ALDH1A2: variants seen among roughly 807,000 people sequenced by gnomAD.
The protein encoded by ALDH1A2 is retinal dehydrogenase 2.
ALDH1A2 carries 27 observed loss-of-function variants against 60.3 expected under a neutral mutation model. That is an observed-to-expected ratio of 0.45 (90% CI 0.33 to 0.62). The LOEUF (loss-of-function observed/expected upper bound fraction) is 0.62. Ranked by LOEUF, ALDH1A2 falls within the 20% of genes least tolerant of loss-of-function variation. The pLI, the probability that ALDH1A2 is intolerant of heterozygous loss-of-function variation, is 0.02. For missense variants in ALDH1A2, 581 were observed against 643.8 expected, an observed-to-expected ratio of 0.90 and a Z score of 1.06; for synonymous variants, 289 against 232.4, an observed-to-expected ratio of 1.24 and a Z score of -2.21.
chr15:58,062,371 C>T (rs1273789202), intron 1 of ALDH1A2, among the ~76,000 whole-genome samples: 1 of 152,046 alleles, frequency 6.6e-6, no homozygotes, highest in African/African-American at 2.4e-5. Flanking sequence ...GAAAGAAGGT[C>T]GAAGTGGAAT....
intron 7 of ALDH1A2, among the ~76,000 whole-genome samples, chr15:57,976,252 T>C (rs758760299): frequency 5.9e-5 from 9 of 152,278 alleles, no homozygotes; most frequent in Non-Finnish European, 1.0e-4. Context: ...CATGAGTGAG[T>C]TCCTTAATAG....
chr15:57,994,813 G>A (rs1426069389), intron 5 of ALDH1A2, among the ~76,000 whole-genome samples: 1 of 152,106 alleles, frequency 6.6e-6, no homozygotes, highest in Non-Finnish European at 1.5e-5. Context: ...CCAAGGGCAG[G>A]TTATTAATAC....
chr15:58,056,543 G>T lies in ALDH1A2; in HGVS notation c.117+8991C>A, dbSNP rs191328243. On this transcript the variant is annotated intron_variant, in intron 1 of 12. Transcript: ENST00000249750. ...CAATAGGAATGCATTTCTGAAACAGGACTCTAAAGGAAAAATCCTTCTTCC... is the reference window on the plus strand; with the variant it reads ...CAATAGGAATGCATTTCTGAAACAGTACTCTAAAGGAAAAATCCTTCTTCC... 3.9e-3 allele frequency among the ~76,000 whole-genome samples: 593 copies of T among 152,128 alleles called. 2 individuals carry two copies. Among genetic ancestry groups the T allele is most frequent in the Non-Finnish European group, 5.0e-3 (341 of 67,964 alleles).
intron 1 of ALDH1A2, among the ~76,000 whole-genome samples, chr15:58,039,393 G>A (rs1896457804): frequency 1.3e-5 from 2 of 151,674 alleles, no homozygotes; most frequent in African/African-American, 4.8e-5. Flanking sequence ...GATAACCCCG[G>A]GAAAGGAAGG....
At chr15:58,003,915 G>A (rs1385041701) in intron 4 of ALDH1A2, among the ~76,000 whole-genome samples, 2 of 151,880 alleles carry the variant, frequency 1.3e-5, no homozygotes, top group African/African-American at 4.8e-5. Context: ...CAGAGACAAT[G>A]GCTCCATTGG....
At chr15:57,955,333 G>A (rs978802844) in intron 12 of ALDH1A2, 64 bp from the exon 13 acceptor site, 12 of 1,526,396 alleles carry the variant, frequency 7.9e-6, no homozygotes, top group African/African-American at 4.1e-5. Flanking sequence ...TGAGTGCAGC[G>A]GGAGTCCTGG....
intron 4 of ALDH1A2, among the ~76,000 whole-genome samples, chr15:58,006,162 T>C (rs748708942): frequency 7.2e-5 from 11 of 151,874 alleles, no homozygotes; most frequent in Non-Finnish European, 1.3e-4. Context: ...TGTAGTCTTT[T>C]ATCACTCACC....
intron 4 of ALDH1A2, among the ~76,000 whole-genome samples, chr15:58,006,641 G>T (rs1046631216): frequency 6.6e-6 from 1 of 150,788 alleles, no homozygotes; most frequent in Non-Finnish European, 1.5e-5. Context: ...CCAGCAGTGT[G>T]TAAAAGTGTT....
At chr15:58,024,578 G>A (rs1566952567) in intron 1 of ALDH1A2, among the ~76,000 whole-genome samples, 1 of 152,068 alleles carries the variant, frequency 6.6e-6, no homozygotes, top group Non-Finnish European at 1.5e-5. Flanking sequence ...AATATTACTA[G>A]ATCTAAATAG....
chr15:57,991,987 A>C (rs1894911015), intron 7 of ALDH1A2, among the ~76,000 whole-genome samples: 1 of 152,178 alleles, frequency 6.6e-6, no homozygotes, highest in African/African-American at 2.4e-5. Flanking sequence ...CCATGGGTCA[A>C]ATATACCCTG....
At chr15:58,007,432 C>T (rs1032873708) in intron 4 of ALDH1A2, among the ~76,000 whole-genome samples, 1 of 151,968 alleles carries the variant, frequency 6.6e-6, no homozygotes, top group Non-Finnish European at 1.5e-5. Context: ...AACCAATCTC[C>T]ATAAGAAGAG....
chr15:58,014,296 A>ATTCTGTTATCT lies in ALDH1A2; in HGVS notation c.118-16_118-15insAGATAACAGAA. ...TTTATAAAGATCTAAGGGAGTAGAT[A>ATTCTGTTATCT]ACAGAATGGGATCTGTGACACAGGT... On this transcript the variant is annotated splice_polypyrimidine_tract_variant and intron_variant, in intron 1 of 12. Transcript: ENST00000249750. 1 of 1,593,802 alleles carries ATTCTGTTATCT rather than the reference A, an allele frequency of 6.3e-7. No individual in the cohort carries two copies. The highest frequency in any genetic ancestry group is 8.6e-7 in the Non-Finnish European group (1 of 1,161,596).
chr15:58,025,785 C>T (rs536379863), intron 1 of ALDH1A2, among the ~76,000 whole-genome samples: 24 of 152,210 alleles, frequency 1.6e-4, no homozygotes, highest in Admixed American at 7.9e-4. Flanking sequence ...CTTACAATCA[C>T]GGCAGAATGT....
chr15:57,961,991 TA>T lies in ALDH1A2; in HGVS notation c.1251+20del. 1 of 1,614,118 alleles carries T rather than the reference TA, an allele frequency of 6.2e-7. No homozygotes were observed. The highest frequency in any genetic ancestry group is 8.5e-7 in the Non-Finnish European group (1 of 1,179,942). ...GATCCCAAGAAAGATGTGGCTTTTG[TA>T]AGAACAGCATATTTGATACCTCCTC... On this transcript the variant is annotated intron_variant, in intron 10 of 12. Coordinates refer to ENST00000249750, the MANE Select transcript of ALDH1A2 (RefSeq NM_003888.4).
intron 1 of ALDH1A2, chr15:58,057,901 C>G: frequency 2.0e-6 from 1 of 493,602 alleles, no homozygotes. Flanking sequence ...TGGCTACAGC[C>G]AAAAATAAAA....
At chr15:57,989,228 T>G (rs1306090412) in intron 7 of ALDH1A2, among the ~76,000 whole-genome samples, 3 of 152,218 alleles carry the variant, frequency 2.0e-5, no homozygotes, top group Non-Finnish European at 2.9e-5. Flanking sequence ...AAGAAATTCC[T>G]AACACCTATA....
chr15:57,976,091 T>C (rs1314748122), intron 7 of ALDH1A2, among the ~76,000 whole-genome samples: 4 of 152,218 alleles, frequency 2.6e-5, no homozygotes, highest in African/African-American at 7.2e-5. Context: ...CTTTGCAGAC[T>C]ACTGGCAGTA....
intron 12 of ALDH1A2, among the ~76,000 whole-genome samples, chr15:57,958,065 C>T (rs542217967): frequency 6.6e-6 from 1 of 152,276 alleles, no homozygotes; most frequent in South Asian, 2.1e-4. Flanking sequence ...TGGAGTCACT[C>T]TGGAAGCTTG....
At chr15:57,966,725 G>A (rs779065976) in intron 7 of ALDH1A2, among the ~76,000 whole-genome samples, 4 of 152,160 alleles carry the variant, frequency 2.6e-5, no homozygotes, top group African/African-American at 7.2e-5. Flanking sequence ...TCTGAGGGAC[G>A]GTATATACTC....
Sources: gnomAD v4.1 joint callset for allele counts (sites outside exome capture counted in the v4.1 genomes callset) on GRCh38, gnomAD v4.1.1 for gene constraint, MANE v1.5 for transcripts, NCBI Gene and HGNC (gene_info 2026-07-23, HGNC 2026-07-21) for gene names.